The following ADAMTS12 variants were observed in gnomAD, a reference collection of about 807,000 sequenced individuals.
ADAMTS12 encodes the protein ADAM metallopeptidase with thrombospondin type 1 motif 12.
Under a neutral mutation model 167.8 loss-of-function variants are expected in ADAMTS12, and 118 were observed. That is an observed-to-expected ratio of 0.70 (90% CI 0.61 to 0.82). The LOEUF (loss-of-function observed/expected upper bound fraction) is 0.82, where lower values mean the gene tolerates loss of function less well. Among genes scored for constraint, ADAMTS12 ranks in the 40% least tolerant of loss-of-function variants. The pLI is 0.00. For missense variants in ADAMTS12, 1,916 were observed against 1,998.8 expected (o/e 0.96, Z 0.79); for synonymous variants, 704 against 716.9 (o/e 0.98, Z 0.29).
At chr5:33,553,741 A>T (rs1267911597) in intron 20 of ADAMTS12, among the ~76,000 whole-genome samples, 3 of 152,194 alleles carry the variant, frequency 2.0e-5, no homozygotes, top group Non-Finnish European at 4.4e-5. Context: ...GAGGGAGAGG[A>T]TCAGGAAAAA....
At chr5:33,683,816 A>G (rs1361301228) in intron 4 of ADAMTS12, 43 bp downstream of exon 4, 1 of 1,364,594 alleles carries the variant, frequency 7.3e-7, no homozygotes, top group Non-Finnish European at 9.6e-7. Context: ...TTCTAATGAC[A>G]TCTGTTCACT....
rs535414276 is a variant in ADAMTS12, at chr5:33,889,466, C to T, written c.127+2264G>A. Among the ~76,000 whole-genome samples, 8 of 152,242 alleles carry T rather than the reference C, an allele frequency of 5.3e-5. No individual in the cohort carries two copies. In the South Asian group the frequency reaches 1.7e-3, roughly 32 times the overall value. On this transcript the variant is annotated intron_variant, in intron 1 of 23. Transcript: ENST00000504830. ...GGTCATTTGGAGGGAAAAACCCAGGCCATCCTAATCCCAGATAGCCTTAGA... is the reference window on the plus strand; with the variant it reads ...GGTCATTTGGAGGGAAAAACCCAGGTCATCCTAATCCCAGATAGCCTTAGA...
At chr5:33,701,774 T>C (rs1159525686) in intron 3 of ADAMTS12, among the ~76,000 whole-genome samples, 1 of 152,168 alleles carries the variant, frequency 6.6e-6, no homozygotes, top group Admixed American at 6.5e-5. Context: ...CCCAAGTGTT[T>C]TGCAAACTAG....
chr5:33,651,678 G>A (rs1740872341), intron 7 of ADAMTS12, among the ~76,000 whole-genome samples: 1 of 152,122 alleles, frequency 6.6e-6, no homozygotes, highest in Non-Finnish European at 1.5e-5. Flanking sequence ...GGGGATACAT[G>A]TGCAGGTCTT....
At chr5:33,675,147 T>C (rs958871347) in intron 5 of ADAMTS12, among the ~76,000 whole-genome samples, 6 of 152,204 alleles carry the variant, frequency 3.9e-5, no homozygotes, top group African/African-American at 1.4e-4. Context: ...CTGTTCTTTA[T>C]AAGTGACCTA....
chr5:33,712,721 T>A (rs1367565552), intron 3 of ADAMTS12, among the ~76,000 whole-genome samples: 1 of 152,150 alleles, frequency 6.6e-6, no homozygotes, highest in Non-Finnish European at 1.5e-5. Context: ...TAGTTTGGCC[T>A]CTTCACCCAA....
chr5:33,838,979 T>C (rs1748637539), intron 2 of ADAMTS12, among the ~76,000 whole-genome samples: 1 of 152,200 alleles, frequency 6.6e-6, no homozygotes, highest in African/African-American at 2.4e-5. Flanking sequence ...CTCCCAATTC[T>C]GGCATTAACC....
chr5:33,649,606 T>C lies in ADAMTS12; in HGVS notation c.1282A>G (p.Thr428Ala), dbSNP rs1740801316. Residue 428 changes from threonine (T) to alanine (A), a missense_variant, in exon 8 of 24, where the codon ACT becomes GCT. Coordinates refer to ENST00000504830, the MANE Select transcript of ADAMTS12 (RefSeq NM_030955.4). ...IMSRQLQYDP[T>A]PLTWSKCSEE... ...CTGCACTTGGACCATGTCAGCGGAG[T>C]GGGATCGTACTGGAGCTGGCGGGAC... 6.2e-7 allele frequency: 1 copy of C among 1,613,802 alleles called. No homozygotes were observed. Among genetic ancestry groups the C allele is most frequent in the African/African-American group, 1.3e-5 (1 of 74,970 alleles).
At position 33,637,717 on chromosome 5, in the gene ADAMTS12, C is replaced by G. The variant is rs367780466; in HGVS notation, c.1748G>C (p.Gly583Ala). 14 of 1,613,280 alleles carry G rather than the reference C, an allele frequency of 8.7e-6. No individual in the cohort carries two copies. The highest frequency in any genetic ancestry group is 4.0e-5 in the African/African-American group (3 of 74,880). ...EPKFGGKYCT[G>A]ERKRYRLCNV... ...GCACAAGCGATAGCGTTTTCTTTCT[C>G]CAGTGCAATATTTCCCTCCAAACTT... Residue 583 changes from glycine to alanine, a missense_variant, in exon 12 of 24, where the codon GGA becomes GCA. By Grantham distance (60) the Gly-to-Ala change is moderately conservative (BLOSUM62 0). Coordinates refer to ENST00000504830, the MANE Select transcript of ADAMTS12 (RefSeq NM_030955.4).
chr5:33,730,622 A>G (rs1172863178), intron 3 of ADAMTS12, among the ~76,000 whole-genome samples: 1 of 152,226 alleles, frequency 6.6e-6, no homozygotes, highest in Non-Finnish European at 1.5e-5. Flanking sequence ...GGTCTTCCAA[A>G]GGCAGGTTGC....
chr5:33,626,480 T>C (rs1579767623), intron 13 of ADAMTS12, among the ~76,000 whole-genome samples: 1 of 150,856 alleles, frequency 6.6e-6, no homozygotes, highest in African/African-American at 2.4e-5. Context: ...GGTGATGTGG[T>C]AGTGGTGGTG....
At position 33,806,567 on chromosome 5, in the gene ADAMTS12, T is replaced by C. The variant is rs868236949; in HGVS notation, c.490-55019A>G. On this transcript the variant is annotated intron_variant, in intron 2 of 23. Transcript: ENST00000504830. Reference sequence around the variant, plus strand: ...GGCTTTGGTCCAGTGATGGAGCTGATGCTGACACTCCCCTTCTCCATGATT... The same window carrying C: ...GGCTTTGGTCCAGTGATGGAGCTGACGCTGACACTCCCCTTCTCCATGATT... Among the ~76,000 whole-genome samples the C allele has an allele frequency of 3.7e-4, 57 of 152,158 alleles. 1 individual carries two copies. The highest frequency in any genetic ancestry group is 1.5e-3 in the South Asian group (7 of 4,800).
intron 3 of ADAMTS12, among the ~76,000 whole-genome samples, chr5:33,708,853 G>A (rs1743289415): frequency 6.6e-6 from 1 of 151,880 alleles, no homozygotes; most frequent in South Asian, 2.1e-4. Flanking sequence ...GTAGATAACG[G>A]GTCGATGTGT....
chr5:33,761,411 T>C (rs1745350351), intron 2 of ADAMTS12, among the ~76,000 whole-genome samples: 1 of 152,194 alleles, frequency 6.6e-6, no homozygotes, highest in Non-Finnish European at 1.5e-5. Flanking sequence ...CAATGATTTG[T>C]GGCAGAGGGG....
intron 20 of ADAMTS12, among the ~76,000 whole-genome samples, chr5:33,560,798 A>C (rs1248314192): frequency 2.7e-5 from 4 of 150,178 alleles, no homozygotes; most frequent in Non-Finnish European, 5.9e-5. Flanking sequence ...GAGGGATAGC[A>C]TTAGGAGATA....
chr5:33,596,074 A>C lies in ADAMTS12; in HGVS notation c.2528-14T>G, dbSNP rs146619073. The C allele has an allele frequency of 1.1e-5, 18 of 1,613,658 alleles. No homozygotes were observed. The highest frequency in any genetic ancestry group is 1.5e-5 in the Non-Finnish European group (18 of 1,179,788). On this transcript the variant is annotated splice_polypyrimidine_tract_variant and intron_variant, in intron 16 of 23. Coordinates refer to ENST00000504830, the MANE Select transcript of ADAMTS12 (RefSeq NM_030955.4). ...GGCGGCGGATACCTGGGGGTCAGAC[A>C]GAAAGATTCACACATATTGAATCCT...
At chr5:33,785,448 T>C (rs1002749911) in intron 2 of ADAMTS12, among the ~76,000 whole-genome samples, 4 of 152,242 alleles carry the variant, frequency 2.6e-5, no homozygotes, top group Admixed American at 6.5e-5. Flanking sequence ...AGAGTGTGTG[T>C]ACATGTGTGT....
At chr5:33,558,419 A>G (rs1414030339) in intron 20 of ADAMTS12, among the ~76,000 whole-genome samples, 3 of 152,188 alleles carry the variant, frequency 2.0e-5, no homozygotes, top group Non-Finnish European at 1.5e-5. Flanking sequence ...TTCTAGCTGA[A>G]TTTGATGATG....
chr5:33,714,914 T>C (rs1044618644), intron 3 of ADAMTS12, among the ~76,000 whole-genome samples: 12 of 152,082 alleles, frequency 7.9e-5, no homozygotes, highest in Non-Finnish European at 1.2e-4. Flanking sequence ...TTAAAAATAA[T>C]TTATTGTATA....
Sources: gnomAD v4.1 joint callset for allele counts (sites outside exome capture counted in the v4.1 genomes callset) on GRCh38, gnomAD v4.1.1 for gene constraint, MANE v1.5 for transcripts, NCBI Gene and HGNC (gene_info 2026-07-23, HGNC 2026-07-21) for gene names.